The following SNX31 variants were observed in gnomAD, a reference collection of about 807,000 sequenced individuals.
SNX31 encodes the protein sorting nexin-31.
A neutral mutation model predicts 65.4 loss-of-function variants in SNX31; 58 were observed. The ratio of observed to expected loss-of-function variants is 0.89; its 90% CI spans 0.72 to 1.10. The LOEUF (loss-of-function observed/expected upper bound fraction) is 1.10. Among genes scored for constraint, SNX31 ranks in the 50% least tolerant of loss-of-function variants. SNX31 has a pLI of 0.00. For missense variants in SNX31, 523 were observed against 529.7 expected (o/e 0.99, Z 0.12); for synonymous variants, 181 against 190.1 (o/e 0.95, Z 0.39).
Position 100,573,880 on chromosome 8 carries a change from C to T in SNX31, c.1308G>A (p.Lys436=). The change falls in exon 14 of 14, where the codon AAG becomes AAA. Residue 436 remains lysine, a synonymous_variant. Coordinates refer to ENST00000311812, the MANE Select transcript of SNX31 (RefSeq NM_152628.4). ...AKDDCVFGNI[K]EEDL is the part of the protein sequence containing the mutation. ...AGAGCTTTCTTCAGAGATCTTCTTC[C>T]TTTATGTTCCCAAAAACGCAGTCAT... 6.3e-7 allele frequency: 1 copy of T among 1,575,140 alleles called. No individual in the cohort carries two copies. The highest frequency in any genetic ancestry group is 8.6e-7 in the Non-Finnish European group (1 of 1,160,930).
At chr8:100,602,014 C>T (rs2130944545) in intron 8 of SNX31, among the ~76,000 whole-genome samples, 1 of 152,340 alleles carries the variant, frequency 6.6e-6, no homozygotes, top group Non-Finnish European at 1.5e-5. Context: ...CAGCCACACA[C>T]ACTCGGCCTG....
intron 2 of SNX31, among the ~76,000 whole-genome samples, chr8:100,639,458 A>C (rs1443325076): frequency 6.6e-6 from 1 of 152,214 alleles, no homozygotes; most frequent in Admixed American, 6.5e-5. Flanking sequence ...CTATACTGCC[A>C]CATGTGTATA....
intron 13 of SNX31, among the ~76,000 whole-genome samples, chr8:100,574,354 C>T (rs1418392501): frequency 6.6e-6 from 1 of 152,208 alleles, no homozygotes; most frequent in African/African-American, 2.4e-5. Flanking sequence ...GGCTGGGCGG[C>T]CAGGCGCAGT....
chr8:100,661,350 CT>C lies in SNX31; in HGVS notation c.-58+1791del, dbSNP rs1563595963. On this transcript the variant is annotated intron_variant, in intron 1 of 5. Transcript: ENST00000520352. ...AGTTCCATATTACTGATGAAAAACA[CT>C]AAGGCCCAGAGAGGTTCAGAGGATT... Among the ~76,000 whole-genome samples, 11 of 152,020 alleles carry C rather than the reference CT, an allele frequency of 7.2e-5. No homozygotes were observed. In the South Asian group the frequency reaches 2.3e-3, roughly 32 times the overall value.
Position 100,572,976 on chromosome 8 carries a change from A to G in SNX31, c.*889T>C, listed in dbSNP as rs188854600. Reference sequence around the variant, plus strand: ...ATATTGTACTTTTTCTAATTACACTATACAGATTCCTCTGATCATCTCCCT... The same window carrying G: ...ATATTGTACTTTTTCTAATTACACTGTACAGATTCCTCTGATCATCTCCCT... On this transcript the variant is annotated 3_prime_UTR_variant, in exon 14 of 14. Coordinates refer to ENST00000311812, the MANE Select transcript of SNX31 (RefSeq NM_152628.4). The G allele has an allele frequency of 1.4e-4, 22 of 152,700 alleles. No homozygotes were observed. Among genetic ancestry groups the G allele is most frequent in the African/African-American group, 5.3e-4 (22 of 41,562 alleles). 9.5% of individuals were successfully genotyped at this position (152,700 alleles called of 1,614,324 possible).
rs75138633 is a variant in SNX31 at position 100,612,223 on chromosome 8, C to A, written c.524-136G>T. On this transcript the variant is annotated intron_variant, in intron 6 of 13. Transcript: ENST00000311812. This position sits in a 1 kb window ranked among gnomAD's most constrained non-coding sequence, Gnocchi z 4.3. ...AGTAAGAATATCCTCTGTATTTACACGTAATTTTAACTTTCTGAAGTTCAT... is the reference window on the plus strand; with the variant it reads ...AGTAAGAATATCCTCTGTATTTACAAGTAATTTTAACTTTCTGAAGTTCAT... 6.8e-6 allele frequency: 4 copies of A among 587,600 alleles called. No individual in the cohort carries two copies. The highest frequency in any genetic ancestry group is 3.4e-5 in the Admixed American group (1 of 29,522). 36.4% of individuals were successfully genotyped at this position (587,600 alleles called of 1,614,324 possible).
Position 100,575,140 on chromosome 8 carries a change from G to A in SNX31, c.1228-1180C>T, listed in dbSNP as rs917425584. ...CTACGAGGGATTTGTTTTGATAGAG[G>A]GGCCTCACTGCCAAGTGGTTAAAGC... On this transcript the variant is annotated intron_variant, in intron 13 of 13. Transcript: ENST00000311812. This position sits in a 1 kb window ranked among gnomAD's most constrained non-coding sequence, Gnocchi z 5.1. Among the ~76,000 whole-genome samples, 1 of 152,152 alleles carries A rather than the reference G, an allele frequency of 6.6e-6. No homozygotes were observed. Among genetic ancestry groups the A allele is most frequent in the Admixed American group, 6.5e-5 (1 of 15,278 alleles).
chr8:100,649,157 GC>G, intron 2 of SNX31, 116 bp downstream of exon 2: 1 of 932,008 alleles, frequency 1.1e-6, no homozygotes, highest in Non-Finnish European at 1.7e-6. Context: ...ACAATAGGAA[GC>G]CCGAGGCCGT....
rs200035596 is a variant in SNX31 at position 100,621,751 on chromosome 8, A to G, written c.322-4021T>C. On this transcript the variant is annotated intron_variant, in intron 4 of 13. Transcript: ENST00000311812. ...ACCCTCCAACATCCTAACATTATTC[A>G]TAGGTCACCCGACTCTTTGCCATTG... 3.3e-5 allele frequency among the ~76,000 whole-genome samples: 5 copies of G among 152,314 alleles called. No individual in the cohort carries two copies. In the East Asian group the frequency reaches 7.7e-4, roughly 24 times the overall value.
In SNX31 at chr8:100,613,920, T is replaced by C. The variant is rs887502794; in HGVS notation, c.433-835A>G. On this transcript the variant is annotated intron_variant, in intron 5 of 13. Coordinates refer to ENST00000311812, the MANE Select transcript of SNX31 (RefSeq NM_152628.4). This position sits in a 1 kb window ranked among gnomAD's most constrained non-coding sequence, Gnocchi z 5.2. ...GTCTTAACTCACTAAATCACCTCTGTACCACGCAAGGAGAGGCCTCCAAGC... is the reference window on the plus strand; with the variant it reads ...GTCTTAACTCACTAAATCACCTCTGCACCACGCAAGGAGAGGCCTCCAAGC... Among the ~76,000 whole-genome samples the C allele has an allele frequency of 1.3e-5, 2 of 152,126 alleles. No homozygotes were observed. Among genetic ancestry groups the C allele is most frequent in the African/African-American group, 4.8e-5 (2 of 41,424 alleles).
rs1200725391 is a variant in SNX31 at position 100,629,014 on chromosome 8, T to A, written c.321+1313A>T. Among the ~76,000 whole-genome samples, 2 of 152,216 alleles carry A rather than the reference T, an allele frequency of 1.3e-5. No homozygotes were observed. Among genetic ancestry groups the A allele is most frequent in the Admixed American group, 1.3e-4 (2 of 15,284 alleles). ...CAGTATGCAGTACAGTAACATAGTA[T>A]ACAGGTTTGTAGCCTAGGGGCAGTA... On this transcript the variant is annotated intron_variant, in intron 4 of 13. Transcript: ENST00000311812. The surrounding 1 kb of genome is among the most constrained non-coding windows in gnomAD (Gnocchi z 5.1).
intron 3 of SNX31, among the ~76,000 whole-genome samples, chr8:100,635,128 C>T (rs1818669627): frequency 1.3e-5 from 2 of 151,756 alleles, no homozygotes; most frequent in South Asian, 4.2e-4. Context: ...TGGCTCATAC[C>T]TGTAATTCTA....
chr8:100,623,688 G>T, intron 4 of SNX31, among the ~76,000 whole-genome samples: 1 of 152,084 alleles, frequency 6.6e-6, no homozygotes, highest in Non-Finnish European at 1.5e-5. Flanking sequence ...CAGACCTTGT[G>T]CAATTCTCCT....
chr8:100,661,358 C>T (rs1809784764), intron 1 of SNX31, among the ~76,000 whole-genome samples: 1 of 151,956 alleles, frequency 6.6e-6, no homozygotes, highest in Non-Finnish European at 1.5e-5. Context: ...CACTAAGGCC[C>T]AGAGAGGTTC....
upstream of SNX31, among the ~76,000 whole-genome samples, chr8:100,650,916 G>T (rs188214798): frequency 9.3e-5 from 14 of 150,542 alleles, no homozygotes; most frequent in East Asian, 2.6e-3. Flanking sequence ...GCAATGGTGC[G>T]ATCTCAGCTC....
At chr8:100,615,858 C>T (rs1817134827) in intron 5 of SNX31, among the ~76,000 whole-genome samples, 1 of 152,204 alleles carries the variant, frequency 6.6e-6, no homozygotes, top group Non-Finnish European at 1.5e-5. Context: ...CAAGCTCCGC[C>T]TCCCGGGTTC....
intron 8 of SNX31, among the ~76,000 whole-genome samples, chr8:100,601,448 G>A (rs1485357686): frequency 6.6e-6 from 1 of 152,028 alleles, no homozygotes. Context: ...ACCCTCATAT[G>A]GATACTTACA....
At chr8:100,636,466 T>G (rs1313850994) in intron 2 of SNX31, among the ~76,000 whole-genome samples, 5 of 152,234 alleles carry the variant, frequency 3.3e-5, no homozygotes, top group Non-Finnish European at 7.3e-5. Flanking sequence ...CTGTTGTGAA[T>G]GAGCACTTGA....
At chr8:100,585,630 C>A (rs936599052) in intron 11 of SNX31, among the ~76,000 whole-genome samples, 2 of 152,108 alleles carry the variant, frequency 1.3e-5, no homozygotes, top group African/African-American at 4.8e-5. Context: ...ACAGATGGGG[C>A]ATTTGTGCAA....
Sources: allele counts gnomAD v4.1 joint callset (sites outside exome capture counted in the v4.1 genomes callset), GRCh38; gene constraint gnomAD v4.1.1; non-coding constraint Gnocchi (gnomAD v3.1); transcripts MANE v1.5; gene names NCBI Gene and HGNC (gene_info 2026-07-23, HGNC 2026-07-21).